The following IL1RAPL1 variants were observed in gnomAD, a reference collection of about 807,000 sequenced individuals.
The protein encoded by IL1RAPL1 is interleukin 1 receptor accessory protein like 1.
In IL1RAPL1, 3 loss-of-function variants were observed where a neutral mutation model predicts 48.4. The observed-to-expected ratio is 0.06, with a 90% CI of 0.03 to 0.16. IL1RAPL1 has a LOEUF of 0.16. Ranked by LOEUF, IL1RAPL1 falls within the 10% of genes least tolerant of loss-of-function variation. The probability of loss-of-function intolerance (pLI) is 1.00; values close to 1 mark genes in which losing one functional copy is unlikely to be tolerated. For synonymous variants in IL1RAPL1, 185 were observed against 187.7 expected, an observed-to-expected ratio of 0.99 and a Z score of 0.12; for missense variants, 349 against 530.6, an observed-to-expected ratio of 0.66 and a Z score of 3.36.
intron 5 of IL1RAPL1, among the ~76,000 whole-genome samples, chrX:29,621,498 A>C (rs762521913): frequency 2.1e-4 from 23 of 111,191 alleles, no homozygotes; most frequent in Admixed American, 7.7e-4. Context: ...GTCTAGGTCT[A>C]TACTATCAAT....
intron 1 of IL1RAPL1, among the ~76,000 whole-genome samples, chrX:28,667,880 G>A (rs889015044): frequency 9.0e-6 from 1 of 111,059 alleles, no homozygotes; most frequent in Non-Finnish European, 1.9e-5. Flanking sequence ...CATTCATGAG[G>A]GTTCTACCCT....
chrX:29,251,480 TAC>T (rs779095854), intron 2 of IL1RAPL1, among the ~76,000 whole-genome samples: 1 of 111,582 alleles, frequency 9.0e-6, no homozygotes, highest in Non-Finnish European at 1.9e-5. Context: ...TATACATCTA[TAC>T]ACACACACAA....
chrX:29,695,703 A>G (rs1298719106), intron 6 of IL1RAPL1, among the ~76,000 whole-genome samples: 2 of 110,723 alleles, frequency 1.8e-5, no homozygotes, highest in Non-Finnish European at 3.8e-5. Flanking sequence ...TCCTTACGTC[A>G]TAATTACCTG....
At chrX:29,376,726 C>T (rs748551954) in intron 3 of IL1RAPL1, among the ~76,000 whole-genome samples, 1 of 111,741 alleles carries the variant, frequency 8.9e-6, no homozygotes, top group South Asian at 3.7e-4. Flanking sequence ...TTTTATTGTA[C>T]TGTGGTCTGA....
chrX:29,564,101 C>T (rs1922324308), intron 5 of IL1RAPL1, among the ~76,000 whole-genome samples: 1 of 111,594 alleles, frequency 9.0e-6, no homozygotes, highest in East Asian at 2.8e-4. Context: ...TTTATTGGAA[C>T]TGTGAGTAAG....
At chrX:29,107,720 CT>C (rs749711349) in intron 2 of IL1RAPL1, among the ~76,000 whole-genome samples, 150 of 111,999 alleles carry the variant, frequency 1.3e-3, no homozygotes, top group African/African-American at 4.6e-3. Context: ...ACTCAAGAGA[CT>C]TTTTTTGTCT....
intron 5 of IL1RAPL1, among the ~76,000 whole-genome samples, chrX:29,417,694 ACTTTT>A (rs2147702551): frequency 9.0e-6 from 1 of 111,441 alleles, no homozygotes; most frequent in African/African-American, 3.3e-5. Context: ...AAAAAATACA[ACTTTT>A]GTGAATATTA....
chrX:29,201,140 T>C (rs943158957), intron 2 of IL1RAPL1, among the ~76,000 whole-genome samples: 1 of 111,618 alleles, frequency 9.0e-6, no homozygotes, highest in African/African-American at 3.3e-5. Context: ...CATCTGACAT[T>C]TTCCAATGCC....
intron 2 of IL1RAPL1, among the ~76,000 whole-genome samples, chrX:28,833,313 G>T: frequency 9.0e-6 from 1 of 111,467 alleles, no homozygotes; most frequent in South Asian, 3.8e-4. Context: ...TTGGTAGAAT[G>T]AATTGTTTTC....
chrX:29,045,949 CCTCCTCCTCCTCCTCCTTCTT>C (rs1245075268), intron 2 of IL1RAPL1, among the ~76,000 whole-genome samples: 1 of 50,566 alleles, frequency 2.0e-5, no homozygotes, highest in Non-Finnish European at 3.4e-5. Context: ...TCTTCCTCCT[CCTCCTCCTCCTCCTCCTTCTT>C]CTCCTCCTTC....
intron 2 of IL1RAPL1, among the ~76,000 whole-genome samples, chrX:29,187,620 A>T (rs898016851): frequency 3.6e-5 from 4 of 111,588 alleles, no homozygotes; most frequent in Non-Finnish European, 5.6e-5. Context: ...CACAATGCAA[A>T]CATCTTTTAA....
intron 1 of IL1RAPL1, among the ~76,000 whole-genome samples, chrX:28,649,912 C>G (rs1283262323): frequency 8.9e-6 from 1 of 111,952 alleles, no homozygotes; most frequent in Non-Finnish European, 1.9e-5. Context: ...ACTCTCCAAT[C>G]TTAACCACAA....
intron 2 of IL1RAPL1, among the ~76,000 whole-genome samples, chrX:29,014,297 T>TGTTTA (rs1754946620): frequency 8.9e-6 from 1 of 112,360 alleles, no homozygotes; most frequent in African/African-American, 3.2e-5. Context: ...CTAAATGGTA[T>TGTTTA]CATTGTTTAC....
intron 2 of IL1RAPL1, among the ~76,000 whole-genome samples, chrX:28,867,533 T>C (rs1282642013): frequency 1.8e-5 from 2 of 112,122 alleles, no homozygotes; most frequent in Non-Finnish European, 3.8e-5. Context: ...GAGTCTCTTC[T>C]TCTTATAGTC....
intron 2 of IL1RAPL1, among the ~76,000 whole-genome samples, chrX:28,817,356 T>C (rs908487200): frequency 2.8e-4 from 31 of 110,881 alleles, no homozygotes; most frequent in African/African-American, 9.5e-4. Flanking sequence ...AACCATCAAC[T>C]CCCAATATCA....
chrX:28,819,966 T>TGA (rs1267853536), intron 2 of IL1RAPL1, among the ~76,000 whole-genome samples: 8 of 25,445 alleles, frequency 3.1e-4, no homozygotes, highest in African/African-American at 5.9e-4. Flanking sequence ...ATAAACATAG[T>TGA]GATATATATA....
chrX:29,623,322 T>C (rs1028312736), intron 5 of IL1RAPL1, among the ~76,000 whole-genome samples: 1 of 111,063 alleles, frequency 9.0e-6, no homozygotes, highest in African/African-American at 3.3e-5. Flanking sequence ...AATTCTTGCA[T>C]CTCAGGCATG....
At chrX:29,797,222 G>A (rs754095337) in intron 6 of IL1RAPL1, among the ~76,000 whole-genome samples, 1 of 112,288 alleles carries the variant, frequency 8.9e-6, no homozygotes, top group Non-Finnish European at 1.9e-5. Context: ...TACTCTACTT[G>A]CCTTGGCACA....
At chrX:29,495,130 G>A (rs1356577143) in intron 5 of IL1RAPL1, among the ~76,000 whole-genome samples, 2 of 112,069 alleles carry the variant, frequency 1.8e-5, no homozygotes, top group African/African-American at 6.5e-5. Context: ...CTACCTATCT[G>A]ATAATGATAT....
Sources: allele counts gnomAD v4.1 joint callset (sites outside exome capture counted in the v4.1 genomes callset), GRCh38; gene constraint gnomAD v4.1.1; transcripts MANE v1.5; gene names NCBI Gene and HGNC (gene_info 2026-07-23, HGNC 2026-07-21).